The following TMEM132C variants were observed in gnomAD, a reference collection of about 807,000 sequenced individuals.
TMEM132C encodes the protein protein phosphatase 1, regulatory subunit 152.
Under a neutral mutation model 61.4 loss-of-function variants are expected in TMEM132C, and 29 were observed. The observed-to-expected ratio is 0.47, with a 90% CI of 0.35 to 0.64. The LOEUF (loss-of-function observed/expected upper bound fraction) is 0.64. Among genes scored for constraint, TMEM132C ranks in the 30% least tolerant of loss-of-function variants. The pLI is 0.00. For synonymous variants in TMEM132C, 656 were observed against 633.1 expected, an observed-to-expected ratio of 1.04 and a Z score of -0.54; for missense variants, 1,408 against 1,476.9, an observed-to-expected ratio of 0.95 and a Z score of 0.76.
chr12:128,479,725 G>A lies in TMEM132C; in HGVS notation c.974+64105G>A, dbSNP rs117740139. 4.6e-3 allele frequency among the ~76,000 whole-genome samples: 705 copies of A among 152,236 alleles called. 3 individuals are homozygous for A. The highest frequency in any genetic ancestry group is 7.1e-3 in the Non-Finnish European group (484 of 68,004). ...GCTGACCCCCAGCCAAGGTGGACCC[G>A]GGCCCCAGCTCTGCTGCTTATTTGC... is the stretch of plus-strand genomic sequence containing the variant. On this transcript the variant is annotated intron_variant, in intron 2 of 8. Transcript: ENST00000435159.
intron 2 of TMEM132C, among the ~76,000 whole-genome samples, chr12:128,531,371 G>A (rs896714298): frequency 2.0e-5 from 3 of 152,142 alleles, no homozygotes; most frequent in African/African-American, 4.8e-5. Context: ...GAAAAAGAGC[G>A]CTCAATTGGA....
chr12:128,294,173 T>C (rs1871332702), intron 1 of TMEM132C: 1 of 154,674 alleles, frequency 6.5e-6, no homozygotes, highest in South Asian at 2.0e-4. Flanking sequence ...CTGACACCCC[T>C]AGCTCAGCAT....
At chr12:128,430,775 G>A (rs970453883) in intron 2 of TMEM132C, among the ~76,000 whole-genome samples, 1 of 152,118 alleles carries the variant, frequency 6.6e-6, no homozygotes, top group African/African-American at 2.4e-5. Context: ...CTATTGTATT[G>A]TTTTGGGGCA....
intron 1 of TMEM132C, among the ~76,000 whole-genome samples, chr12:128,353,420 C>A (rs554372006): frequency 2.0e-5 from 3 of 152,102 alleles, no homozygotes; most frequent in Non-Finnish European, 2.9e-5. Flanking sequence ...CGGGAGTCTG[C>A]GACTCCTTCA....
At chr12:128,606,826 T>C (rs984941670) in intron 3 of TMEM132C, among the ~76,000 whole-genome samples, 26 of 152,220 alleles carry the variant, frequency 1.7e-4, no homozygotes, top group African/African-American at 6.3e-4. Context: ...CTCTCTTGTA[T>C]ATTGACAAGC....
At chr12:128,615,968 C>A (rs1876786928) in intron 3 of TMEM132C, among the ~76,000 whole-genome samples, 184 bp from the exon 4 acceptor site, 1 of 152,232 alleles carries the variant, frequency 6.6e-6, no homozygotes, top group African/African-American at 2.4e-5. Context: ...CTTGTGGGTG[C>A]TTCTCTGTCC....
intron 2 of TMEM132C, among the ~76,000 whole-genome samples, chr12:128,498,457 C>T (rs1032300341): frequency 2.0e-5 from 3 of 152,122 alleles, no homozygotes; most frequent in Admixed American, 6.5e-5. Context: ...AGGTGGGTTA[C>T]TTGAGGTCAG....
chr12:128,512,234 C>T (rs1001740597), intron 2 of TMEM132C, among the ~76,000 whole-genome samples: 2 of 152,152 alleles, frequency 1.3e-5, no homozygotes, highest in African/African-American at 2.4e-5. Context: ...CCCACATCCC[C>T]GTGCACCTGC....
At chr12:128,562,090 C>A (rs1874542315) in intron 3 of TMEM132C, among the ~76,000 whole-genome samples, 1 of 152,168 alleles carries the variant, frequency 6.6e-6, no homozygotes, top group South Asian at 2.1e-4. Flanking sequence ...ACCATCTACC[C>A]CAAACTACAG....
intron 4 of TMEM132C, among the ~76,000 whole-genome samples, chr12:128,654,866 G>A (rs1954308624): frequency 6.6e-6 from 1 of 152,208 alleles, no homozygotes; most frequent in African/African-American, 2.4e-5. Context: ...GCCTGCCGGT[G>A]TATTGATGAA....
intron 2 of TMEM132C, among the ~76,000 whole-genome samples, chr12:128,425,589 G>A (rs892374729): frequency 2.6e-5 from 4 of 152,188 alleles, no homozygotes; most frequent in African/African-American, 9.7e-5. Context: ...TTGGTGGCTT[G>A]AAACAACAGA....
chr12:128,654,472 C>T (rs118187330), intron 4 of TMEM132C, among the ~76,000 whole-genome samples: 5,803 of 152,282 alleles, frequency 0.038, 150 homozygotes, highest in Middle Eastern at 0.054. Flanking sequence ...TATGCCATCC[C>T]GTTTGCTGTA....
chr12:128,383,653 C>G (rs897688646), intron 1 of TMEM132C, among the ~76,000 whole-genome samples: 3 of 152,180 alleles, frequency 2.0e-5, no homozygotes, highest in African/African-American at 7.2e-5. Flanking sequence ...TTCCCCAGTC[C>G]TTGTCTTTGT....
chr12:128,340,789 CTCTCTCTCTCTT>C (rs1240700610), intron 1 of TMEM132C, among the ~76,000 whole-genome samples: 29 of 130,788 alleles, frequency 2.2e-4, no homozygotes, highest in African/African-American at 8.8e-4. Context: ...CTTTCTCTCT[CTCTCTCTCTCTT>C]TCTTTCTTTC....
rs373115122 is a variant in TMEM132C, at chr12:128,306,711, C to T, written c.85+39224C>T. ...CATATAAAAGGAAGAGACCTTTGTC[C>T]ACTTCCACTGTAGCTCAATTTCCCA... On this transcript the variant is annotated intron_variant, in intron 1 of 8. Transcript: ENST00000435159. Among the ~76,000 whole-genome samples, 4 of 152,248 alleles carry T rather than the reference C, an allele frequency of 2.6e-5. No homozygotes were observed. In the East Asian group the frequency reaches 7.7e-4, roughly 29 times the overall value.
chr12:128,692,256 A>C (rs966789458), intron 5 of TMEM132C, among the ~76,000 whole-genome samples: 1 of 152,218 alleles, frequency 6.6e-6, no homozygotes, highest in South Asian at 2.1e-4. Flanking sequence ...GCATTCATCC[A>C]TCTGTTCATC....
intron 3 of TMEM132C, among the ~76,000 whole-genome samples, chr12:128,603,790 G>A (rs1472685460): frequency 6.6e-6 from 1 of 152,088 alleles, no homozygotes; most frequent in Non-Finnish European, 1.5e-5. Flanking sequence ...ATATTTCATA[G>A]CATCATATAA....
chr12:128,357,125 A>G (rs1176839253), intron 1 of TMEM132C, among the ~76,000 whole-genome samples: 2 of 152,188 alleles, frequency 1.3e-5, no homozygotes, highest in East Asian at 3.9e-4. Context: ...TCGGGAGCCC[A>G]CGTGTCCAAT....
intron 2 of TMEM132C, among the ~76,000 whole-genome samples, chr12:128,483,380 A>C (rs899081218): frequency 1.0e-5 from 1 of 98,830 alleles, no homozygotes; most frequent in Non-Finnish European, 2.1e-5. Context: ...CGAAGGGGCC[A>C]TGGAGCCCCT....
Sources: allele counts gnomAD v4.1 joint callset (sites outside exome capture counted in the v4.1 genomes callset), GRCh38; gene constraint gnomAD v4.1.1; transcripts MANE v1.5; gene names NCBI Gene and HGNC (gene_info 2026-07-23, HGNC 2026-07-21).